Variants in RBFOX1 observed in about 807,000 individuals in gnomAD.
RBFOX1 encodes the protein RNA binding fox-1 homolog 1, also known as RNA binding protein fox-1 homolog 1.
RBFOX1 carries 8 observed loss-of-function variants against 57.7 expected under a neutral mutation model. That is an observed-to-expected ratio of 0.14 (90% confidence interval 0.08 to 0.25). The LOEUF (loss-of-function observed/expected upper bound fraction) is 0.25. Among genes scored for constraint, RBFOX1 ranks in the 10% least tolerant of loss-of-function variants. The probability of loss-of-function intolerance (pLI) is 1.00; values close to 1 mark genes in which losing one functional copy is unlikely to be tolerated. For synonymous variants in RBFOX1, 326 were observed against 222.4 expected, an observed-to-expected ratio of 1.47 and a Z score of -4.15; for missense variants, 611 against 548.5, an observed-to-expected ratio of 1.11 and a Z score of -1.14.
chr16:6,093,465 A>T (rs1406150093), intron 1 of RBFOX1, among the ~76,000 whole-genome samples: 2 of 152,182 alleles, frequency 1.3e-5, no homozygotes, highest in Non-Finnish European at 2.9e-5. Context: ...AAGATCTGGA[A>T]GGATACTCAA....
At chr16:5,791,781 A>C (rs552488493) in intron 3 of RBFOX1, among the ~76,000 whole-genome samples, 22 of 152,374 alleles carry the variant, frequency 1.4e-4, no homozygotes, top group African/African-American at 5.3e-4. Flanking sequence ...CAATAAGCAT[A>C]TGACATGTTT....
At chr16:7,328,348 C>T (rs559884370) in intron 4 of RBFOX1, among the ~76,000 whole-genome samples, 25 of 151,868 alleles carry the variant, frequency 1.6e-4, no homozygotes, top group South Asian at 1.0e-3. Flanking sequence ...GGTGTGGTGG[C>T]GGATCCCTGT....
intron 3 of RBFOX1, among the ~76,000 whole-genome samples, chr16:6,708,182 C>G (rs1568302298): frequency 6.6e-6 from 1 of 152,058 alleles, no homozygotes; most frequent in South Asian, 2.1e-4. Flanking sequence ...CCCCTTGTTT[C>G]TTATTAAGCC....
At chr16:5,929,908 G>A (rs887756935) in intron 4 of RBFOX1, among the ~76,000 whole-genome samples, 20 of 148,998 alleles carry the variant, frequency 1.3e-4, no homozygotes, top group African/African-American at 5.0e-4. Flanking sequence ...TGAGGGTGGG[G>A]AGGGTGGGAA....
chr16:5,243,118 T>C (rs1354373207), intron 1 of RBFOX1, among the ~76,000 whole-genome samples: 1 of 152,182 alleles, frequency 6.6e-6, no homozygotes, highest in African/African-American at 2.4e-5. Context: ...CAAGCCTTTA[T>C]TGACCGCTTG....
intron 4 of RBFOX1, among the ~76,000 whole-genome samples, chr16:7,274,238 T>G (rs193082711): frequency 5.3e-5 from 8 of 152,344 alleles, no homozygotes; most frequent in African/African-American, 1.9e-4. Context: ...CTTACTATGT[T>G]CCGAGTAATG....
intron 4 of RBFOX1, among the ~76,000 whole-genome samples, chr16:7,262,706 T>C (rs2094965152): frequency 6.6e-6 from 1 of 152,260 alleles, no homozygotes; most frequent in South Asian, 2.1e-4. Context: ...TCAGCAGGTG[T>C]CTTGGTTATC....
At chr16:6,437,179 A>C (rs991097076) in intron 2 of RBFOX1, among the ~76,000 whole-genome samples, 7 of 152,212 alleles carry the variant, frequency 4.6e-5, no homozygotes, top group Admixed American at 6.5e-5. Context: ...ATGTCAGTGA[A>C]CGAAGGGGCT....
At chr16:7,058,572 T>TTGTGTG (rs111658690) in intron 4 of RBFOX1, among the ~76,000 whole-genome samples, 121 of 150,734 alleles carry the variant, frequency 8.0e-4, no homozygotes, top group African/African-American at 2.9e-3. Context: ...TTTCATAAGT[T>TTGTGTG]TGTGTGTGTG....
At chr16:7,413,928 G>T (rs1357621070) in intron 4 of RBFOX1, among the ~76,000 whole-genome samples, 1 of 152,108 alleles carries the variant, frequency 6.6e-6, no homozygotes, top group East Asian at 1.9e-4. Context: ...CTGGCACATT[G>T]TAACAGCTCA....
At chr16:7,425,742 C>T (rs769426613) in intron 4 of RBFOX1, among the ~76,000 whole-genome samples, 6 of 152,180 alleles carry the variant, frequency 3.9e-5, no homozygotes, top group Non-Finnish European at 8.8e-5. Context: ...ACCCCTCCTC[C>T]CTCTTTTAAC....
At position 7,029,211 on chromosome 16, in the gene RBFOX1, TATATATATACACACATATATATAC is replaced by T. The variant is rs1568441322; in HGVS notation, c.-15-22845_-15-22822del. ...ATATACACATATGTATACGTATACG[TATATATATACACACATATATATAC>T]GTATACGTATATATATACACACATA... On this transcript the variant is annotated intron_variant, in intron 3 of 15. Coordinates refer to ENST00000550418, the MANE Select transcript of RBFOX1 (RefSeq NM_018723.4). 1.3e-3 allele frequency among the ~76,000 whole-genome samples: 81 copies of T among 62,166 alleles called. 6 individuals carry two copies. Among genetic ancestry groups the T allele is most frequent in the Middle Eastern group, 5.6e-3 (1 of 180 alleles). 40.8% of individuals were successfully genotyped at this position (62,166 alleles called of 152,430 possible). A position where few individuals can be genotyped will look rare whatever the true frequency, so the allele number is the denominator to read the frequency against.
intron 2 of RBFOX1, among the ~76,000 whole-genome samples, chr16:5,507,405 A>T (rs1168025367): frequency 1.3e-5 from 2 of 152,144 alleles, no homozygotes; most frequent in Non-Finnish European, 2.9e-5. Context: ...TGGGTGGCAC[A>T]CATAGGTGTT....
chr16:7,038,509 G>C (rs1420675676), intron 3 of RBFOX1, among the ~76,000 whole-genome samples: 2 of 152,118 alleles, frequency 1.3e-5, no homozygotes, highest in African/African-American at 2.4e-5. Flanking sequence ...ATAAATAATA[G>C]GCAATATGTT....
chr16:6,876,496 T>C (rs2061871517), intron 3 of RBFOX1, among the ~76,000 whole-genome samples: 2 of 152,222 alleles, frequency 1.3e-5, no homozygotes, highest in Admixed American at 6.5e-5. Context: ...CTTCATCACA[T>C]AGCGCTGTAC....
chr16:7,629,544 T>A (rs17144392), intron 10 of RBFOX1, among the ~76,000 whole-genome samples: 20,225 of 152,146 alleles, frequency 0.13, 1,585 homozygotes, highest in African/African-American at 0.22. Flanking sequence ...CAGGGAGGTA[T>A]TTCCATCACC....
chr16:5,256,879 A>G (rs1227449227), intron 1 of RBFOX1, among the ~76,000 whole-genome samples: 1 of 151,892 alleles, frequency 6.6e-6, no homozygotes, highest in East Asian at 1.9e-4. Flanking sequence ...GTTTGCAGTG[A>G]GCTGAGATGG....
chr16:7,144,575 C>G (rs992990239), intron 4 of RBFOX1, among the ~76,000 whole-genome samples: 1 of 151,890 alleles, frequency 6.6e-6, no homozygotes, highest in Non-Finnish European at 1.5e-5. Context: ...CATGCATGAG[C>G]TACTGCGCCT....
At chr16:5,556,340 T>C (rs1159493052) in intron 2 of RBFOX1, among the ~76,000 whole-genome samples, 2 of 152,200 alleles carry the variant, frequency 1.3e-5, no homozygotes, top group Admixed American at 6.5e-5. Context: ...GGGCCTTGCC[T>C]ACCCTCCCCG....
Sources: gnomAD v4.1 joint callset for allele counts (sites outside exome capture counted in the v4.1 genomes callset) on GRCh38, gnomAD v4.1.1 for gene constraint, MANE v1.5 for transcripts, NCBI Gene and HGNC (gene_info 2026-07-23, HGNC 2026-07-21) for gene names.